The following RANBP2 variants were observed in gnomAD, a reference collection of about 807,000 sequenced individuals.
The protein encoded by RANBP2 is RAN binding protein 2, also known as E3 SUMO-protein ligase RanBP2.
In RANBP2, 57 loss-of-function variants were observed where a neutral mutation model predicts 303.6. The observed-to-expected ratio is 0.19, with a 90% CI of 0.15 to 0.23. The LOEUF (loss-of-function observed/expected upper bound fraction) is 0.23. RANBP2 is among the 10% of genes least tolerant of loss of function. RANBP2 has a pLI of 1.00. For synonymous variants in RANBP2, 1,167 were observed against 1,301.5 expected (o/e 0.90, Z 2.23); for missense variants, 3,138 against 3,780.8 (o/e 0.83, Z 4.46).
chr2:109,222,985 A>G, the RANBP2 span, among the ~76,000 whole-genome samples: 1 of 152,160 alleles, frequency 6.6e-6, no homozygotes, highest in Non-Finnish European at 1.5e-5. Context: ...CAGGGTCTGT[A>G]CTCACTGCAC....
intron 1 of RANBP2, among the ~76,000 whole-genome samples, chr2:108,724,804 C>T (rs963229825): frequency 6.6e-6 from 1 of 151,506 alleles, no homozygotes; most frequent in Non-Finnish European, 1.5e-5. Context: ...CCTCATTGTC[C>T]TGTATAATCG....
At chr2:109,523,438 C>A in the RANBP2 span, among the ~76,000 whole-genome samples, 2 of 152,140 alleles carry the variant, frequency 1.3e-5, no homozygotes, top group East Asian at 3.9e-4. Flanking sequence ...TGATGCTGCA[C>A]CTGCTTTCCC....
downstream of RANBP2, chr2:108,786,650 A>G (rs1452178794): frequency 1.4e-5 from 9 of 627,152 alleles, no homozygotes; most frequent in Admixed American, 5.6e-5. Flanking sequence ...AACTTGGAGG[A>G]CGCGCTGACA....
At chr2:108,944,190 T>A in the RANBP2 span, among the ~76,000 whole-genome samples, 8 of 152,326 alleles carry the variant, frequency 5.3e-5, no homozygotes, top group Admixed American at 3.3e-4. Flanking sequence ...CTCGGCTCAC[T>A]GCAACCTCTG....
chr2:109,378,977 G>T, the RANBP2 span, among the ~76,000 whole-genome samples: 1 of 152,090 alleles, frequency 6.6e-6, no homozygotes, highest in Non-Finnish European at 1.5e-5. Flanking sequence ...CCAGAACTCT[G>T]GCCTGCATCC....
At chr2:109,295,150 C>T in the RANBP2 span, among the ~76,000 whole-genome samples, 6 of 152,248 alleles carry the variant, frequency 3.9e-5, no homozygotes, top group African/African-American at 1.2e-4. Context: ...GGAGCACCCA[C>T]GCCTGGCCTG....
At chr2:109,313,951 G>A in the RANBP2 span, among the ~76,000 whole-genome samples, 6 of 152,174 alleles carry the variant, frequency 3.9e-5, no homozygotes, top group Non-Finnish European at 7.3e-5. Flanking sequence ...ACTTTGTTTT[G>A]TAGGGCACAA....
chr2:109,373,942 A>C, the RANBP2 span, among the ~76,000 whole-genome samples: 19 of 151,804 alleles, frequency 1.3e-4, no homozygotes, highest in African/African-American at 4.6e-4. Flanking sequence ...GACCCAGTCC[A>C]GCAGGCTCTC....
chr2:109,116,495 C>T, the RANBP2 span, among the ~76,000 whole-genome samples: 171 of 152,284 alleles, frequency 1.1e-3, 1 homozygote, highest in African/African-American at 3.8e-3. Context: ...CTCCTTTAAG[C>T]ACTTCTCTGT....
rs898411536 is a variant in RANBP2 at position 108,720,266 on chromosome 2, C to G, written c.72+588C>G. Reference sequence around the variant, plus strand: ...TTGAGTATGAGGTGTTTGTCGCTGTCCCTTTGTAAGGGTCCAGCTCCACTC... The same window carrying G: ...TTGAGTATGAGGTGTTTGTCGCTGTGCCTTTGTAAGGGTCCAGCTCCACTC... On this transcript the variant is annotated intron_variant, in intron 1 of 28. Coordinates refer to ENST00000283195, the MANE Select transcript of RANBP2 (RefSeq NM_006267.5). 1.2e-4 allele frequency: 107 copies of G among 902,628 alleles called. 9 individuals are homozygous for G. Among genetic ancestry groups the G allele is most frequent in the Non-Finnish European group, 1.4e-4 (106 of 762,212 alleles). The allele number at this position is 902,628 out of a possible 1,614,324, so 55.9% of individuals were successfully genotyped here. A position where few individuals can be genotyped will look rare whatever the true frequency, so the allele number is the denominator to read the frequency against.
chr2:109,435,594 C>T, the RANBP2 span, among the ~76,000 whole-genome samples: 33 of 152,274 alleles, frequency 2.2e-4, 1 homozygote, highest in Admixed American at 1.4e-3. Flanking sequence ...CGTGAGGGCA[C>T]GCACTAAGGA....
the RANBP2 span, among the ~76,000 whole-genome samples, chr2:109,456,444 G>A: frequency 6.6e-6 from 1 of 152,214 alleles, no homozygotes; most frequent in Non-Finnish European, 1.5e-5. Flanking sequence ...ATAAACTGCT[G>A]GAGCATCGCT....
the RANBP2 span, among the ~76,000 whole-genome samples, chr2:109,137,562 C>T: frequency 2.0e-5 from 3 of 152,218 alleles, no homozygotes; most frequent in Non-Finnish European, 4.4e-5. Context: ...CATCAAAGCA[C>T]ACCACCTTAG....
chr2:109,776,956 T>TTA, the RANBP2 span, among the ~76,000 whole-genome samples: 1 of 32,608 alleles, frequency 3.1e-5, no homozygotes, highest in African/African-American at 9.3e-5. Flanking sequence ...TCTTAGGATT[T>TTA]TATATATATA....
At chr2:109,349,872 G>C in the RANBP2 span, among the ~76,000 whole-genome samples, 1 of 152,242 alleles carries the variant, frequency 6.6e-6, no homozygotes, top group Non-Finnish European at 1.5e-5. Flanking sequence ...CTGAAGGCTA[G>C]AGCCCACTGG....
chr2:109,128,385 C>T, the RANBP2 span: 8 of 152,168 alleles, frequency 5.3e-5, no homozygotes, highest in Admixed American at 4.6e-4. Context: ...CGCACAGCGT[C>T]GCCAAGGGTG....
At chr2:109,430,775 C>T in the RANBP2 span, among the ~76,000 whole-genome samples, 3 of 152,248 alleles carry the variant, frequency 2.0e-5, no homozygotes, top group South Asian at 6.2e-4. Flanking sequence ...GGGTCCTCTC[C>T]TGATGATTTT....
At chr2:109,088,264 G>A in the RANBP2 span, among the ~76,000 whole-genome samples, 1 of 151,806 alleles carries the variant, frequency 6.6e-6, no homozygotes, top group Middle Eastern at 3.2e-3. Context: ...AGGCATGGTG[G>A]CGCGCGCCTG....
the RANBP2 span, chr2:109,437,162 C>T: frequency 6.3e-7 from 1 of 1,598,584 alleles, no homozygotes; most frequent in Non-Finnish European, 8.5e-7. Flanking sequence ...TTCACAGGGG[C>T]CTCACCCTGC....
Sources: gnomAD v4.1 joint callset for allele counts (sites outside exome capture counted in the v4.1 genomes callset) on GRCh38, gnomAD v4.1.1 for gene constraint, MANE v1.5 for transcripts, NCBI Gene and HGNC (gene_info 2026-07-23, HGNC 2026-07-21) for gene names.